MALRD1: variants seen among roughly 807,000 people sequenced by gnomAD.
MALRD1 encodes the protein MAM and LDL receptor class A domain containing 1, also known as MAM and LDL-receptor class A domain-containing protein 1.
A neutral mutation model predicts 242.1 loss-of-function variants in MALRD1; 247 were observed. That is an observed-to-expected ratio of 1.02 (90% CI 0.92 to 1.13). The LOEUF is 1.13. Ranked by LOEUF, MALRD1 falls within the 50% of genes most tolerant of loss-of-function variation. The pLI is 0.00. For missense variants in MALRD1, 2,989 were observed against 2,533.1 expected, an observed-to-expected ratio of 1.18 and a Z score of -3.86; for synonymous variants, 995 against 866.6, an observed-to-expected ratio of 1.15 and a Z score of -2.60.
intron 35 of MALRD1, among the ~76,000 whole-genome samples, chr10:19,610,428 T>G (rs1457148491): frequency 6.6e-6 from 1 of 151,968 alleles, no homozygotes; most frequent in Non-Finnish European, 1.5e-5. Context: ...TTCTATGATA[T>G]CAACTTTTGA....
intron 19 of MALRD1, among the ~76,000 whole-genome samples, chr10:19,263,050 GTTTCCCTA>G (rs1839823235): frequency 6.6e-6 from 1 of 152,192 alleles, no homozygotes; most frequent in Non-Finnish European, 1.5e-5. Context: ...CATGTAAGTT[GTTTCCCTA>G]TTGTGGCTAT....
chr10:19,380,296 T>C (rs554759935), intron 26 of MALRD1, among the ~76,000 whole-genome samples: 3 of 150,660 alleles, frequency 2.0e-5, no homozygotes, highest in Admixed American at 2.0e-4. Context: ...TTTTTTTGAT[T>C]GAATGACCCT....
intron 26 of MALRD1, among the ~76,000 whole-genome samples, chr10:19,359,732 C>T (rs976422697): frequency 6.8e-6 from 1 of 146,814 alleles, no homozygotes; most frequent in Non-Finnish European, 1.5e-5. Flanking sequence ...GATTTTGACC[C>T]AGGAGAGCTG....
In MALRD1 at chr10:19,438,230, G is replaced by A. The variant is rs1458534605; in HGVS notation, c.4846-12077G>A. 5.3e-5 allele frequency among the ~76,000 whole-genome samples: 8 copies of A among 151,356 alleles called. No individual in the cohort carries two copies. In the South Asian group the frequency reaches 6.3e-4, roughly 12 times the overall value. On this transcript the variant is annotated intron_variant, in intron 28 of 39. Transcript: ENST00000454679. ...GGAATCATGGAGTATTTGTCTTTTC[G>A]TCACTACCCTACTCTGCACAATAGA...
intron 18 of MALRD1, among the ~76,000 whole-genome samples, chr10:19,237,665 TTA>T (rs1173890040): frequency 3.3e-4 from 36 of 107,598 alleles, no homozygotes; most frequent in African/African-American, 1.3e-3. Context: ...TATATATAAA[TTA>T]TATAATTATA....
chr10:19,315,705 A>G (rs1242157952), intron 21 of MALRD1, among the ~76,000 whole-genome samples: 1 of 135,240 alleles, frequency 7.4e-6, no homozygotes, highest in African/African-American at 2.8e-5. Flanking sequence ...TATAATACAT[A>G]TTTAATTATA....
intron 20 of MALRD1, among the ~76,000 whole-genome samples, chr10:19,281,157 A>G (rs1474973105): frequency 4.6e-5 from 7 of 152,252 alleles, no homozygotes; most frequent in Non-Finnish European, 8.8e-5. Flanking sequence ...TAAAAAAGTC[A>G]TAAAATCAAA....
chr10:19,678,001 G>C (rs1842207270), intron 36 of MALRD1, among the ~76,000 whole-genome samples: 1 of 152,036 alleles, frequency 6.6e-6, no homozygotes, highest in Admixed American at 6.6e-5. Context: ...TTACTTCTGA[G>C]TTCTAGATTC....
intron 31 of MALRD1, among the ~76,000 whole-genome samples, chr10:19,509,572 G>C (rs1280970728): frequency 6.6e-6 from 1 of 152,090 alleles, no homozygotes; most frequent in African/African-American, 2.4e-5. Flanking sequence ...TTGATGCTAA[G>C]GTTTGTCACC....
At chr10:19,670,456 A>G (rs1247512501) in intron 36 of MALRD1, among the ~76,000 whole-genome samples, 2 of 152,106 alleles carry the variant, frequency 1.3e-5, no homozygotes, top group African/African-American at 4.8e-5. Flanking sequence ...TCTCTTTTTC[A>G]GACACTAGTC....
At chr10:19,190,390 A>G (rs1016976051) in intron 14 of MALRD1, among the ~76,000 whole-genome samples, 6 of 152,158 alleles carry the variant, frequency 3.9e-5, no homozygotes, top group African/African-American at 7.2e-5. Flanking sequence ...AGTGATCTAC[A>G]GATTCGATAT....
intron 36 of MALRD1, among the ~76,000 whole-genome samples, chr10:19,627,716 T>TTCCACCAC (rs1839716639): frequency 6.8e-6 from 1 of 146,938 alleles, no homozygotes; most frequent in African/African-American, 2.6e-5. Flanking sequence ...TGAGCCGATA[T>TTCCACCAC]TCCACCACTG....
At chr10:19,336,166 A>G (rs927511569) in intron 24 of MALRD1, among the ~76,000 whole-genome samples, 7 of 152,256 alleles carry the variant, frequency 4.6e-5, no homozygotes, top group African/African-American at 1.4e-4. Context: ...TAACACTTCT[A>G]CAATACAGGA....
At chr10:19,474,876 G>C (rs1836655899) in intron 29 of MALRD1, among the ~76,000 whole-genome samples, 1 of 151,800 alleles carries the variant, frequency 6.6e-6, no homozygotes, top group South Asian at 2.1e-4. Context: ...AGGAAATTAA[G>C]AATCAAGGAG....
At chr10:19,614,002 T>C (rs1187405352) in intron 35 of MALRD1, among the ~76,000 whole-genome samples, 1 of 152,004 alleles carries the variant, frequency 6.6e-6, no homozygotes, top group African/African-American at 2.4e-5. Context: ...CCCAATAGAG[T>C]AATTTCATTC....
intron 32 of MALRD1, among the ~76,000 whole-genome samples, chr10:19,551,667 T>C (rs1288917279): frequency 6.6e-6 from 1 of 152,098 alleles, no homozygotes; most frequent in African/African-American, 2.4e-5. Context: ...AGAGAGTGCA[T>C]CCTTGTCTTG....
chr10:19,066,960 C>T, intron 2 of MALRD1, 101 bp downstream of exon 2: 2 of 851,792 alleles, frequency 2.3e-6, no homozygotes, highest in South Asian at 6.1e-5. Context: ...TCTTCCGTTC[C>T]CCACCACATG....
chr10:19,288,223 T>C (rs1841230215), intron 21 of MALRD1, among the ~76,000 whole-genome samples: 1 of 152,092 alleles, frequency 6.6e-6, no homozygotes, highest in South Asian at 2.1e-4. Flanking sequence ...TAAGGTGTTT[T>C]GATACAGGCA....
rs572776815 is a variant in MALRD1 at position 19,365,620 on chromosome 10, A to T, written c.4441+13323A>T. Among the ~76,000 whole-genome samples, 4 of 150,136 alleles carry T rather than the reference A, an allele frequency of 2.7e-5. No homozygotes were observed. The South Asian group carries it at 8.5e-4, about 32-fold the overall frequency. ...TATTCGTCCTGTTTGAGATTCATTA[A>T]GATTTCTCAGTCTGATAATTGACAT... On this transcript the variant is annotated intron_variant, in intron 26 of 39. Coordinates refer to ENST00000454679, the MANE Select transcript of MALRD1 (RefSeq NM_001142308.3).
Sources: allele counts gnomAD v4.1 joint callset (sites outside exome capture counted in the v4.1 genomes callset), GRCh38; gene constraint gnomAD v4.1.1; transcripts MANE v1.5; gene names NCBI Gene and HGNC (gene_info 2026-07-23, HGNC 2026-07-21).